Variants in TIAM2 observed in about 807,000 individuals in gnomAD.
TIAM2 encodes the protein rho guanine nucleotide exchange factor TIAM2.
TIAM2 carries 80 observed loss-of-function variants against 152.9 expected under a neutral mutation model. That is an observed-to-expected ratio of 0.52 (90% CI 0.44 to 0.63). The LOEUF is 0.63. Among genes scored for constraint, TIAM2 ranks in the 30% least tolerant of loss-of-function variants. TIAM2 has a pLI of 0.00. For missense variants in TIAM2, 1,965 were observed against 2,120.1 expected, an observed-to-expected ratio of 0.93 and a Z score of 1.44; for synonymous variants, 804 against 838.0, an observed-to-expected ratio of 0.96 and a Z score of 0.70.
At chr6:155,095,216 G>A (rs1233117544) in intron 2 of TIAM2, among the ~76,000 whole-genome samples, 1 of 152,166 alleles carries the variant, frequency 6.6e-6, no homozygotes. Context: ...TTGACTCTGA[G>A]TGATATAACC....
At chr6:155,216,393 T>C (rs1781862523) in intron 15 of TIAM2, among the ~76,000 whole-genome samples, 1 of 152,226 alleles carries the variant, frequency 6.6e-6, no homozygotes, top group Non-Finnish European at 1.5e-5. Flanking sequence ...TAAAGAATAA[T>C]TTCCCTTGAA....
intron 15 of TIAM2, 24 bp from the exon 16 acceptor site, chr6:155,240,506 T>C (rs778521716): frequency 3.8e-6 from 6 of 1,586,628 alleles, no homozygotes; most frequent in Non-Finnish European, 5.2e-6. Context: ...CGTGCATTAT[T>C]TTCCACCTCT....
chr6:155,148,991 G>A (rs954170406), intron 7 of TIAM2: 14 of 165,774 alleles, frequency 8.4e-5, no homozygotes, highest in African/African-American at 3.4e-4. Context: ...AGGTTTCCTA[G>A]GAGACAGACT....
chr6:155,183,250 C>A lies in TIAM2; in HGVS notation c.2814C>A (p.Gly938=). The change falls in exon 14 of 27, where the codon GGC becomes GGA. Residue 938 remains glycine (G), a synonymous_variant. Transcript: ENST00000682666. ...GLAYGEGLRK[G]NEIMTLNGEA... is the part of the protein sequence containing the mutation. ...CCTTTTTCTCAGGGCTGAGAAAGGG[C>A]AATGAGATCATGACCTTAAATGGGG... The A allele has an allele frequency of 1.2e-6, 2 of 1,613,944 alleles. No homozygotes were observed. Among genetic ancestry groups the A allele is most frequent in the Non-Finnish European group, 1.7e-6 (2 of 1,179,900 alleles).
chr6:155,138,682 G>A (rs993770404), intron 5 of TIAM2, among the ~76,000 whole-genome samples: 1 of 151,988 alleles, frequency 6.6e-6, no homozygotes, highest in African/African-American at 2.4e-5. Flanking sequence ...GAGAACATGC[G>A]GTGTTTGGTT....
rs1255357631 is a variant in TIAM2, at chr6:155,045,099, G to A, written c.-208-45190G>A. Among the ~76,000 whole-genome samples the A allele has an allele frequency of 2.2e-5, 3 of 137,230 alleles. No individual in the cohort carries two copies. In the East Asian group the frequency reaches 6.5e-4, roughly 30 times the overall value. The allele number at this position is 137,230 out of a possible 152,430, so 90.0% of individuals were successfully genotyped here. ...AGAGTCTAGCACTGTTGCCTGGGCT[G>A]GAGTGCAGTGGCGCGATCTCGGCTC... On this transcript the variant is annotated intron_variant, in intron 1 of 26. Transcript: ENST00000682666.
chr6:155,094,734 T>TTTG (rs1554229783), intron 2 of TIAM2, among the ~76,000 whole-genome samples: 2 of 128,616 alleles, frequency 1.6e-5, no homozygotes, highest in African/African-American at 5.6e-5. Context: ...GTTTTTTTTT[T>TTTG]TTTGTTTTTT....
In TIAM2 at chr6:155,257,562, A is replaced by AGAT. The variant is rs1171666920; in HGVS notation, c.*442_*444dup. The AGAT allele has an allele frequency of 1.3e-5, 5 of 378,242 alleles. No homozygotes were observed. In the East Asian group the frequency reaches 2.6e-4, roughly 20 times the overall value. 23.4% of individuals were successfully genotyped at this position (378,242 alleles called of 1,614,324 possible). The stretch of plus-strand genomic sequence containing the variant: ...AATGTGGTTTAGGGGCAAAATGTGC[A>AGAT]GATACTTCATTTTTGTAAGATAGAT... On this transcript the variant is annotated 3_prime_UTR_variant, in exon 27 of 27. Coordinates refer to ENST00000682666, the MANE Select transcript of TIAM2 (RefSeq NM_012454.4).
At chr6:155,067,680 G>A (rs953449102) in intron 1 of TIAM2, among the ~76,000 whole-genome samples, 3 of 152,116 alleles carry the variant, frequency 2.0e-5, no homozygotes, top group Non-Finnish European at 2.9e-5. Context: ...TCACTTTGTT[G>A]CCCAGGCTGG....
At position 155,253,938 on chromosome 6, in the gene TIAM2, G is replaced by A. The variant is rs778647109; in HGVS notation, c.4226-35G>A. On this transcript the variant is annotated intron_variant, in intron 24 of 26. Transcript: ENST00000682666. Reference sequence around the variant, plus strand: ...TCTTAACCACAGCATTTTGGGCAAAGTTGTAGACTCTTGTTTCCATTTCCT... The same window carrying A: ...TCTTAACCACAGCATTTTGGGCAAAATTGTAGACTCTTGTTTCCATTTCCT... 20 of 1,577,506 alleles carry A rather than the reference G, an allele frequency of 1.3e-5. No individual in the cohort carries two copies. The South Asian group carries it at 2.2e-4, about 17-fold the overall frequency.
chr6:155,062,854 C>T (rs912291808), intron 1 of TIAM2, among the ~76,000 whole-genome samples: 22 of 152,082 alleles, frequency 1.4e-4, no homozygotes, highest in African/African-American at 4.8e-4. Flanking sequence ...GGATTACAGG[C>T]GTGAGCCACC....
chr6:155,111,935 C>T (rs1029932725), intron 2 of TIAM2, among the ~76,000 whole-genome samples: 4 of 152,102 alleles, frequency 2.6e-5, no homozygotes, highest in Middle Eastern at 3.2e-3. Flanking sequence ...TCAATCCAGT[C>T]GGTCTTTCTC....
intron 14 of TIAM2, among the ~76,000 whole-genome samples, chr6:155,188,068 A>G (rs1053651757): frequency 3.3e-4 from 50 of 152,088 alleles, no homozygotes; most frequent in African/African-American, 1.2e-3. Context: ...TTCTATGCCG[A>G]GGTTTTGAGG....
In TIAM2 at chr6:155,254,529, G is replaced by A. The variant is rs1783881007; in HGVS notation, c.4424G>A (p.Arg1475His). 1.9e-6 allele frequency: 3 copies of A among 1,613,984 alleles called. No individual in the cohort carries two copies. Among genetic ancestry groups the A allele is most frequent in the Non-Finnish European group, 2.5e-6 (3 of 1,179,874 alleles). Residue 1475 changes from arginine to histidine, a missense_variant, in exon 26 of 27, where the codon CGC becomes CAC. Transcript: ENST00000682666. ...CCACTGGAGAAAACGTGTAAGGATCGCCTGGTACCTCTTAAGAACCGAGTT... is the reference window on the plus strand; with the variant it reads ...CCACTGGAGAAAACGTGTAAGGATCACCTGGTACCTCTTAAGAACCGAGTT... ...ELPLEKTCKD[R>H]LVPLKNRVPV...
intron 2 of TIAM2, among the ~76,000 whole-genome samples, chr6:155,106,953 A>G (rs1425014683): frequency 1.3e-5 from 2 of 152,364 alleles, no homozygotes; most frequent in Non-Finnish European, 2.9e-5. Context: ...GTGTGTAGCT[A>G]GCAGACAAAA....
At chr6:155,020,064 G>A (rs756027616) in intron 1 of TIAM2, among the ~76,000 whole-genome samples, 2 of 151,736 alleles carry the variant, frequency 1.3e-5, no homozygotes, top group Non-Finnish European at 2.9e-5. Context: ...AAAAAAAAAG[G>A]CAGCGAGGTA....
rs774520930 is a variant in TIAM2, at chr6:155,129,970, G to C, written c.747G>C (p.Trp249Cys). ...KGSSLSSESS[W>C]YDSPWGNAGE... ...GCTCCCTGAGTTCTGAGTCATCCTG[G>C]TACGACTCCCCTTGGGGCAATGCTG... Residue 249 changes from tryptophan to cysteine, a missense_variant, in exon 4 of 27, where the codon TGG becomes TGC. Trp to Cys is a radical substitution (Grantham distance 215). Transcript: ENST00000682666. This position sits in a 1 kb window ranked among gnomAD's most constrained non-coding sequence, Gnocchi z 4.8. 2.5e-6 allele frequency: 4 copies of C among 1,613,972 alleles called. No individual in the cohort carries two copies. The African/African-American group carries it at 5.3e-5, about 22-fold the overall frequency.
intron 1 of TIAM2, among the ~76,000 whole-genome samples, chr6:155,065,187 C>G (rs578227749): frequency 3.3e-5 from 5 of 152,062 alleles, no homozygotes; most frequent in Non-Finnish European, 7.4e-5. Context: ...CTGCTAACCT[C>G]GGGTGATCTG....
chr6:155,144,612 C>G lies in TIAM2; in HGVS notation c.1637C>G (p.Thr546Arg). The change falls in exon 6 of 27, where the codon ACG becomes AGG. Residue 546 changes from threonine to arginine, a missense_variant. Transcript: ENST00000682666. ...KQYWVTLKGC[T>R]LLFYETYGKN... ...TTGCTTCTCTGTTTCACAGGATGCA[C>G]GCTGCTGTTTTATGAGACCTATGGG... The G allele has an allele frequency of 6.5e-7, 1 of 1,531,470 alleles. No individual in the cohort carries two copies. The highest frequency in any genetic ancestry group is 8.7e-7 in the Non-Finnish European group (1 of 1,146,562). 94.9% of individuals were successfully genotyped at this position (1,531,470 alleles called of 1,614,324 possible).
Sources: gnomAD v4.1 joint callset for allele counts (sites outside exome capture counted in the v4.1 genomes callset) on GRCh38, gnomAD v4.1.1 for gene constraint, Gnocchi (gnomAD v3.1) non-coding constraint, MANE v1.5 for transcripts, NCBI Gene and HGNC (gene_info 2026-07-23, HGNC 2026-07-21) for gene names.